The following C11orf71 variants were observed in gnomAD, a reference collection of about 807,000 sequenced individuals.
C11orf71 encodes uncharacterized protein C11orf71.
For synonymous variants in C11orf71, 72 were observed against 73.4 expected (o/e 0.98, Z 0.09); for missense variants, 179 against 167.6 (o/e 1.07, Z -0.38).
downstream of C11orf71, among the ~76,000 whole-genome samples, chr11:114,394,610 G>A (rs1397282894): frequency 6.6e-6 from 1 of 151,336 alleles, no homozygotes; most frequent in East Asian, 2.0e-4. Flanking sequence ...GGATTTCACC[G>A]TGTTAGCCGG....
downstream of C11orf71, among the ~76,000 whole-genome samples, chr11:114,395,387 G>A (rs1303304027): frequency 6.6e-6 from 1 of 152,222 alleles, no homozygotes; most frequent in South Asian, 2.1e-4. Flanking sequence ...TAAGGGCGTT[G>A]CCACAGATGC....
In C11orf71 at chr11:114,400,434, C is replaced by A. The variant is rs1418489432; in HGVS notation, c.-103G>T. 2.8e-6 allele frequency: 4 copies of A among 1,411,546 alleles called. No homozygotes were observed. The highest frequency in any genetic ancestry group is 3.8e-6 in the Non-Finnish European group (4 of 1,060,180). 87.4% of individuals were successfully genotyped at this position (1,411,546 alleles called of 1,614,324 possible). A position where few individuals can be genotyped will look rare whatever the true frequency, so the allele number is the denominator to read the frequency against. ...GCCTGTGTCGGACCCGATGACTAAG[C>A]ACACAGGAACCCATAACTGAGCCTG... On this transcript the variant is annotated 5_prime_UTR_variant, in exon 1 of 1. Transcript: ENST00000623205.
At chr11:114,395,526 A>G (rs562108495), downstream of C11orf71, among the ~76,000 whole-genome samples, 38 of 152,328 alleles carry the variant, frequency 2.5e-4, no homozygotes, top group African/African-American at 9.1e-4. Flanking sequence ...AGTGACTCTC[A>G]GGTCTTTGGG....
At chr11:114,397,946 T>C (rs1275321356), downstream of C11orf71, among the ~76,000 whole-genome samples, 1 of 152,230 alleles carries the variant, frequency 6.6e-6, no homozygotes, top group Non-Finnish European at 1.5e-5. Context: ...ACCGAGTTTA[T>C]TTTTTAAAGC....
Position 114,399,659 on chromosome 11 carries a change from C to G in C11orf71, c.*301G>C. On this transcript the variant is annotated 3_prime_UTR_variant, in exon 1 of 1. Coordinates refer to ENST00000623205, the MANE Select transcript of C11orf71 (RefSeq NM_001271562.2). Reference sequence around the variant, plus strand: ...AGAAGTAAAGGTAAAGGTTAAGTGTCTGAGTTAACGAATGGATTGTTGACC... The same window carrying G: ...AGAAGTAAAGGTAAAGGTTAAGTGTGTGAGTTAACGAATGGATTGTTGACC... 3.1e-6 allele frequency: 1 copy of G among 327,244 alleles called. No individual in the cohort carries two copies. The highest frequency in any genetic ancestry group is 5.2e-5 in the East Asian group (1 of 19,050). 20.3% of individuals were successfully genotyped at this position (327,244 alleles called of 1,614,324 possible).
At chr11:114,394,284 T>TTTCTTTTCTTTTCTTTTCTTTTCTC (rs1441634194), downstream of C11orf71, among the ~76,000 whole-genome samples, 3 of 84,478 alleles carry the variant, frequency 3.6e-5, no homozygotes, top group South Asian at 3.5e-4. Flanking sequence ...TTTCTTTTCT[T>TTTCTTTTCTTTTCTTTTCTTTTCTC]TTCTCTTATT....
chr11:114,391,659 GTAGTAACTAAAA>G lies in C11orf71; in HGVS notation c.344-6_349del. On this transcript the variant is annotated splice_acceptor_variant and splice_polypyrimidine_tract_variant and coding_sequence_variant and intron_variant, in exon 2 of 2. Coordinates refer to the C11orf71 transcript ENST00000325636. LOFTEE classifies it high-confidence loss of function. Reference sequence around the variant, plus strand: ...AGACTCAGATAGCTTCAGGGTCCAGGTAGTAACTAAAATACACAAAATGGATGAGTATAAGAT... The same window carrying G: ...AGACTCAGATAGCTTCAGGGTCCAGGTACACAAAATGGATGAGTATAAGAT... 1 of 1,434,480 alleles carries G rather than the reference GTAGTAACTAAAA, an allele frequency of 7.0e-7. No homozygotes were observed. Among genetic ancestry groups the G allele is most frequent in the South Asian group, 1.3e-5 (1 of 74,758 alleles). 88.9% of individuals were successfully genotyped at this position (1,434,480 alleles called of 1,614,324 possible). A position where few individuals can be genotyped will look rare whatever the true frequency, so the allele number is the denominator to read the frequency against.
chr11:114,400,449 A>G lies in C11orf71; in HGVS notation c.-118T>C, dbSNP rs973691779. The G allele has an allele frequency of 2.9e-6, 4 of 1,377,780 alleles. No individual in the cohort carries two copies. The highest frequency in any genetic ancestry group is 3.9e-6 in the Non-Finnish European group (4 of 1,031,564). The allele number at this position is 1,377,780 out of a possible 1,614,324, so 85.3% of individuals were successfully genotyped here. On this transcript the variant is annotated 5_prime_UTR_variant, in exon 1 of 1. Transcript: ENST00000623205. ...GATGACTAAGCACACAGGAACCCAT[A>G]ACTGAGCCTGCGGAAGAGCCAGAAG...
In C11orf71 at chr11:114,400,499, T is replaced by G. The variant is rs1946180265; in HGVS notation, c.-168A>C. On this transcript the variant is annotated 5_prime_UTR_variant, in exon 1 of 1. Transcript: ENST00000623205. ...GCCGCCTTGCCTTTAACGAGGGGTA[T>G]CCTGGCGAGCATGCGCAGACCGTCC... 2 of 1,277,500 alleles carry G rather than the reference T, an allele frequency of 1.6e-6. No homozygotes were observed. Among genetic ancestry groups the G allele is most frequent in the South Asian group, 1.5e-5 (1 of 66,286 alleles). 79.1% of individuals were successfully genotyped at this position (1,277,500 alleles called of 1,614,324 possible). A position where few individuals can be genotyped will look rare whatever the true frequency, so the allele number is the denominator to read the frequency against.
At chr11:114,396,264 G>A (rs1004518716), downstream of C11orf71, among the ~76,000 whole-genome samples, 12 of 152,212 alleles carry the variant, frequency 7.9e-5, no homozygotes, top group African/African-American at 2.9e-4. Context: ...TGAAACACAA[G>A]TTGAAACATC....
At chr11:114,393,393 G>A (rs1946087907) in intron 1 of C11orf71, among the ~76,000 whole-genome samples, 1 of 152,204 alleles carries the variant, frequency 6.6e-6, no homozygotes, top group Non-Finnish European at 1.5e-5. Context: ...CAATTGAGGA[G>A]CTTCTACTTC....
At chr11:114,391,740 G>A in intron 1 of C11orf71, 1 of 581,862 alleles carries the variant, frequency 1.7e-6, no homozygotes. Context: ...CCAGCAAAAG[G>A]GATTCAAATT....
chr11:114,394,958 CAA>C (rs1946119630), downstream of C11orf71, among the ~76,000 whole-genome samples: 2 of 150,302 alleles, frequency 1.3e-5, no homozygotes, highest in Admixed American at 1.3e-4. Flanking sequence ...TAATTGCAGA[CAA>C]AAGAGACTAC....
rs1946177874 is a variant in C11orf71 at position 114,400,384 on chromosome 11, C to T, written c.-53G>A. On this transcript the variant is annotated 5_prime_UTR_variant, in exon 1 of 1. Coordinates refer to ENST00000623205, the MANE Select transcript of C11orf71 (RefSeq NM_001271562.2). The stretch of plus-strand genomic sequence containing the variant: ...TTACGTCCCTTTGTGAAGGCAGGCC[C>T]TTCGCGGCTCCCCAGATCAGTCCAG... 2 of 1,531,052 alleles carry T rather than the reference C, an allele frequency of 1.3e-6. No individual in the cohort carries two copies. Among genetic ancestry groups the T allele is most frequent in the Non-Finnish European group, 1.8e-6 (2 of 1,137,760 alleles). The allele number at this position is 1,531,052 out of a possible 1,614,324, so 94.8% of individuals were successfully genotyped here.
intron 1 of C11orf71, among the ~76,000 whole-genome samples, chr11:114,392,548 A>AAAAAAAAAAAAAAAAGAAG (rs1461395379): frequency 1.6e-5 from 2 of 124,850 alleles, no homozygotes; most frequent in Admixed American, 9.0e-5. Flanking sequence ...AAAAAAAAAA[A>AAAAAAAAAAAAAAAAGAAG]AAGAAGAAGA....
rs772365559 is a variant in C11orf71 at position 114,400,010 on chromosome 11, G to A, written c.322C>T (p.Gln108Ter). The change falls in exon 1 of 1, where the codon CAG (glutamine) becomes TAG (stop). Residue 108 changes from glutamine to a stop codon, truncating the protein, a stop_gained. Transcript: ENST00000623205. LOFTEE classifies it low-confidence loss of function (END_TRUNC). ...ACACCTCCTAATGCAATCAAACGCT[G>A]TTGCAGCACACTTCTTAGGAGATCG... ...EPDLLRSVLQQRLIALGGVIA... is the reference protein window; with the variant it reads ...EPDLLRSVLQ 3 of 1,613,622 alleles carry A rather than the reference G, an allele frequency of 1.9e-6. No homozygotes were observed. In the East Asian group the frequency reaches 6.7e-5, roughly 36 times the overall value.
At chr11:114,393,505 G>A (rs976187240) in intron 1 of C11orf71, among the ~76,000 whole-genome samples, 3 of 152,148 alleles carry the variant, frequency 2.0e-5, no homozygotes, top group African/African-American at 7.2e-5. Flanking sequence ...TGATGAATAT[G>A]TTCAATTAAA....
At chr11:114,394,792 T>G (rs1400931274), downstream of C11orf71, among the ~76,000 whole-genome samples, 1 of 152,066 alleles carries the variant, frequency 6.6e-6, no homozygotes, top group Non-Finnish European at 1.5e-5. Context: ...AAATGTTATA[T>G]GCATTAAATA....
chr11:114,396,393 G>A (rs1375155335), downstream of C11orf71, among the ~76,000 whole-genome samples: 1 of 152,100 alleles, frequency 6.6e-6, no homozygotes, highest in Non-Finnish European at 1.5e-5. Flanking sequence ...TTTCAAAGGT[G>A]TATCTTGTAT....
Sources: allele counts gnomAD v4.1 joint callset (sites outside exome capture counted in the v4.1 genomes callset), GRCh38; gene constraint gnomAD v4.1.1; transcripts MANE v1.5; gene names NCBI Gene and HGNC (gene_info 2026-07-23, HGNC 2026-07-21).